Variants in COQ3 observed in about 807,000 individuals in gnomAD.
COQ3 encodes coenzyme Q3, methyltransferase.
COQ3 carries 29 observed loss-of-function variants against 33.1 expected under a neutral mutation model. That is an observed-to-expected ratio of 0.88 (90% CI 0.65 to 1.19). The LOEUF is 1.19. Ranked by LOEUF, COQ3 falls within the 50% of genes most tolerant of loss-of-function variation. The pLI is 0.00. For missense variants in COQ3, 437 were observed against 430.7 expected, an observed-to-expected ratio of 1.01 and a Z score of -0.13; for synonymous variants, 173 against 157.8, an observed-to-expected ratio of 1.10 and a Z score of -0.72.
chr6:99,380,075 C>T, intron 3 of COQ3, 114 bp downstream of exon 3: 1 of 939,660 alleles, frequency 1.1e-6, no homozygotes, highest in Non-Finnish European at 1.6e-6. Context: ...ATTTCCAAAG[C>T]AAACTTAATG....
intron 2 of COQ3, among the ~76,000 whole-genome samples, chr6:99,382,444 C>CTT (rs1452949010): frequency 6.6e-6 from 1 of 152,136 alleles, no homozygotes; most frequent in Non-Finnish European, 1.5e-5. Flanking sequence ...ATATTCATTA[C>CTT]TTTTTATTCT....
chr6:99,383,657 T>C, intron 2 of COQ3, 41 bp downstream of exon 2: 1 of 1,464,260 alleles, frequency 6.8e-7, no homozygotes, highest in Non-Finnish European at 9.3e-7. Context: ...ACCTATTACA[T>C]ATAATTACGT....
chr6:99,381,362 T>A (rs13215592), intron 2 of COQ3, among the ~76,000 whole-genome samples: 17,438 of 152,268 alleles, frequency 0.11, 1,293 homozygotes, highest in Non-Finnish European at 0.16. Context: ...ATCCTTAGCA[T>A]AGTTTACAAA....
At chr6:99,382,814 G>A (rs1006696629) in intron 2 of COQ3, among the ~76,000 whole-genome samples, 2 of 152,090 alleles carry the variant, frequency 1.3e-5, no homozygotes, top group African/African-American at 4.8e-5. Flanking sequence ...TTAGCCGGGT[G>A]TGGTGGTGCA....
chr6:99,378,625 C>A (rs922693600), intron 3 of COQ3, among the ~76,000 whole-genome samples: 1 of 152,044 alleles, frequency 6.6e-6, no homozygotes, highest in Admixed American at 6.6e-5. Flanking sequence ...GCAGTAGGTC[C>A]CTGATGAGAC....
At position 99,369,496 on chromosome 6, in the gene COQ3, G is replaced by T; in HGVS notation, c.*104C>A. ...GTCCAAGGTTTTAGCCCTTTTTATT[G>T]ACCTTCTTTTCTTCATGATTCTCTC... is the stretch of plus-strand genomic sequence containing the variant. On this transcript the variant is annotated 3_prime_UTR_variant, in exon 7 of 7. Coordinates refer to ENST00000254759, the MANE Select transcript of COQ3 (RefSeq NM_017421.4). The T allele has an allele frequency of 2.1e-6, 2 of 945,686 alleles. No homozygotes were observed. Among genetic ancestry groups the T allele is most frequent in the Non-Finnish European group, 1.6e-6 (1 of 629,758 alleles). 58.6% of individuals were successfully genotyped at this position (945,686 alleles called of 1,614,324 possible).
In COQ3 at chr6:99,371,414, C is replaced by A. The variant is rs764776152; in HGVS notation, c.889+14G>T. Reference sequence around the variant, plus strand: ...TAGGCCTGGAAAATTGGAAAAAATTCTCTTAATACTTACTTGATTCCAGAA... The same window carrying A: ...TAGGCCTGGAAAATTGGAAAAAATTATCTTAATACTTACTTGATTCCAGAA... On this transcript the variant is annotated intron_variant, in intron 6 of 6. Transcript: ENST00000254759. 29 of 1,561,512 alleles carry A rather than the reference C, an allele frequency of 1.9e-5. No homozygotes were observed. The South Asian group carries it at 3.4e-4, about 18-fold the overall frequency.
intron 2 of COQ3, among the ~76,000 whole-genome samples, chr6:99,382,575 G>T (rs1276415591): frequency 2.0e-5 from 3 of 152,130 alleles, no homozygotes; most frequent in Non-Finnish European, 4.4e-5. Flanking sequence ...GGTAACAGTA[G>T]GTGGTTGCTC....
At chr6:99,393,191 A>AC (rs1774877772) in intron 1 of COQ3, among the ~76,000 whole-genome samples, 1 of 150,674 alleles carries the variant, frequency 6.6e-6, no homozygotes, top group African/African-American at 2.5e-5. Context: ...CTGATTTGTA[A>AC]CTTTTTTTTT....
chr6:99,378,954 T>A (rs1455970246), intron 3 of COQ3, among the ~76,000 whole-genome samples: 3 of 151,422 alleles, frequency 2.0e-5, no homozygotes, highest in Non-Finnish European at 2.9e-5. Context: ...CTTTCTTTTT[T>A]TTTTTTTTAC....
intron 6 of COQ3, among the ~76,000 whole-genome samples, chr6:99,370,431 C>T (rs1211567809): frequency 2.8e-5 from 4 of 143,694 alleles, no homozygotes; most frequent in Non-Finnish European, 6.0e-5. Flanking sequence ...TCACTGCAAC[C>T]TCCATCTCCT....
At position 99,374,675 on chromosome 6, in the gene COQ3, T is replaced by C. The variant is rs547865469; in HGVS notation, c.729+1265A>G. 2.6e-5 allele frequency among the ~76,000 whole-genome samples: 4 copies of C among 152,280 alleles called. No homozygotes were observed. In the South Asian group the frequency reaches 8.3e-4, roughly 32 times the overall value. On this transcript the variant is annotated intron_variant, in intron 5 of 6. Transcript: ENST00000254759. Reference sequence around the variant, plus strand: ...TGTTGTAAATTATACTATATAAGCATAGTAAGTAATGGAGAGAACCAAACT... The same window carrying C: ...TGTTGTAAATTATACTATATAAGCACAGTAAGTAATGGAGAGAACCAAACT...
intron 2 of COQ3, among the ~76,000 whole-genome samples, chr6:99,380,882 C>T (rs142728459): frequency 0.022 from 3,406 of 151,890 alleles, 123 homozygotes; most frequent in African/African-American, 0.076. Flanking sequence ...ACTCCAGCCT[C>T]GGCGACAGAG....
intron 1 of COQ3, among the ~76,000 whole-genome samples, chr6:99,390,693 A>G (rs1774801195): frequency 6.6e-6 from 1 of 151,960 alleles, no homozygotes; most frequent in African/African-American, 2.4e-5. Flanking sequence ...GTGTAGTTTT[A>G]ATTGTTTGTT....
At chr6:99,370,169 T>G (rs987425380) in intron 6 of COQ3, among the ~76,000 whole-genome samples, 1 of 152,162 alleles carries the variant, frequency 6.6e-6, no homozygotes, top group Admixed American at 6.5e-5. Context: ...ATCATAGAAC[T>G]GTTAGAATTA....
intron 1 of COQ3, among the ~76,000 whole-genome samples, chr6:99,392,756 G>A (rs1774866978): frequency 6.6e-6 from 1 of 152,040 alleles, no homozygotes; most frequent in Admixed American, 6.5e-5. Context: ...CTCCCGAGTA[G>A]CTGGGATTAC....
intron 1 of COQ3, among the ~76,000 whole-genome samples, chr6:99,389,529 GC>G (rs1774765140): frequency 6.6e-6 from 1 of 152,048 alleles, no homozygotes; most frequent in South Asian, 2.1e-4. Flanking sequence ...ATCTCTCCCA[GC>G]CCTGACTGTA....
intron 1 of COQ3, 108 bp from the exon 2 acceptor site, chr6:99,383,932 G>T: frequency 1.1e-6 from 1 of 871,682 alleles, no homozygotes; most frequent in Non-Finnish European, 1.6e-6. Flanking sequence ...TTATAGTCTT[G>T]CTCTGCCACC....
chr6:99,384,474 T>C (rs982315028), intron 1 of COQ3, among the ~76,000 whole-genome samples: 16 of 152,324 alleles, frequency 1.1e-4, no homozygotes, highest in Middle Eastern at 3.4e-3. Flanking sequence ...TGTTTTAAAC[T>C]AGGATAATAT....
Sources: allele counts gnomAD v4.1 joint callset (sites outside exome capture counted in the v4.1 genomes callset), GRCh38; gene constraint gnomAD v4.1.1; transcripts MANE v1.5; gene names NCBI Gene and HGNC (gene_info 2026-07-23, HGNC 2026-07-21).